MYLK: variants seen among roughly 807,000 people sequenced by gnomAD.
The protein encoded by MYLK is myosin light chain kinase, smooth muscle.
Under a neutral mutation model 203.4 loss-of-function variants are expected in MYLK, and 106 were observed. That is an observed-to-expected ratio of 0.52 (90% confidence interval 0.45 to 0.61). The LOEUF (loss-of-function observed/expected upper bound fraction) is 0.61. MYLK is among the 20% of genes least tolerant of loss of function. MYLK has a pLI of 0.00. For missense variants in MYLK, 2,072 were observed against 2,442.3 expected (o/e 0.85, Z 3.20); for synonymous variants, 867 against 959.5 (o/e 0.90, Z 1.78).
At chr3:123,737,845 C>T (rs998771035) in intron 7 of MYLK, among the ~76,000 whole-genome samples, 1 of 152,172 alleles carries the variant, frequency 6.6e-6, no homozygotes, top group Non-Finnish European at 1.5e-5. Flanking sequence ...TTCCTTACCT[C>T]CCCATTCCTT....
At chr3:123,664,411 GCC>G (rs2059668007) in intron 22 of MYLK, among the ~76,000 whole-genome samples, 153 bp from the exon 23 acceptor site, 1 of 151,944 alleles carries the variant, frequency 6.6e-6, no homozygotes, top group Non-Finnish European at 1.5e-5. Context: ...TCTCCCTGAG[GCC>G]CCTTCTCTCC....
intron 2 of MYLK, among the ~76,000 whole-genome samples, chr3:123,855,455 G>A (rs1443981097): frequency 1.3e-5 from 2 of 151,504 alleles, no homozygotes; most frequent in Non-Finnish European, 2.9e-5. Context: ...TGATCTCATT[G>A]TTTATTATTT....
At chr3:123,645,103 G>GTA (rs1390238094) in intron 27 of MYLK, among the ~76,000 whole-genome samples, 8 of 151,830 alleles carry the variant, frequency 5.3e-5, no homozygotes, top group African/African-American at 1.9e-4. Context: ...AAAAGTCAAT[G>GTA]TATCATACTA....
chr3:123,663,268 T>C (rs1167761609), intron 23 of MYLK, among the ~76,000 whole-genome samples: 2 of 152,046 alleles, frequency 1.3e-5, no homozygotes, highest in Non-Finnish European at 2.9e-5. Flanking sequence ...AACTTGAGAA[T>C]CAGTCTGGAG....
At chr3:123,770,077 G>A (rs944036788) in intron 4 of MYLK, among the ~76,000 whole-genome samples, 3 of 151,014 alleles carry the variant, frequency 2.0e-5, no homozygotes, top group Admixed American at 2.0e-4. Context: ...TTTGGAGGCC[G>A]AAGCAGGTGG....
chr3:123,799,908 T>C, intron 3 of MYLK: 1 of 152,356 alleles, frequency 6.6e-6, no homozygotes, highest in East Asian at 1.9e-4. Context: ...ACCACCGTAC[T>C]GCAGAGGTTC....
chr3:123,722,091 G>C, intron 13 of MYLK, 37 bp downstream of exon 13: 1 of 1,554,460 alleles, frequency 6.4e-7, no homozygotes, highest in Non-Finnish European at 8.7e-7. Flanking sequence ...GTGCCTGCAG[G>C]AAAGGTGCTT....
intron 2 of MYLK, among the ~76,000 whole-genome samples, chr3:123,872,086 G>A (rs1040866091): frequency 2.0e-5 from 3 of 151,998 alleles, no homozygotes; most frequent in African/African-American, 4.8e-5. Flanking sequence ...CCAACCTGCA[G>A]CCTGTTTTTG....
At chr3:123,754,753 C>G (rs2063311047) in intron 4 of MYLK, among the ~76,000 whole-genome samples, 1 of 151,892 alleles carries the variant, frequency 6.6e-6, no homozygotes, top group African/African-American at 2.4e-5. Flanking sequence ...CTGGCCTTTG[C>G]AAAACAGAAA....
chr3:123,846,589 G>A (rs1461778691), intron 2 of MYLK, among the ~76,000 whole-genome samples: 1 of 152,090 alleles, frequency 6.6e-6, no homozygotes, highest in Non-Finnish European at 1.5e-5. Flanking sequence ...AAATTCCTGG[G>A]TGTAAAGGGT....
At chr3:123,776,121 G>A (rs576060889) in intron 4 of MYLK, among the ~76,000 whole-genome samples, 115 of 152,280 alleles carry the variant, frequency 7.6e-4, no homozygotes, top group African/African-American at 2.4e-3. Context: ...GCTGGTCCCC[G>A]TGTGGCAGCA....
At chr3:123,690,283 T>C (rs976064743) in intron 19 of MYLK, among the ~76,000 whole-genome samples, 5 of 152,274 alleles carry the variant, frequency 3.3e-5, no homozygotes, top group East Asian at 1.9e-4. Context: ...TCATTGTTGC[T>C]GCTTACGGCA....
chr3:123,719,329 C>A (rs1268887951), intron 13 of MYLK, among the ~76,000 whole-genome samples: 1 of 152,028 alleles, frequency 6.6e-6, no homozygotes, highest in Non-Finnish European at 1.5e-5. Context: ...GAAGCAGGCA[C>A]GAGTGTTCAT....
chr3:123,669,871 C>T (rs1055809883), intron 20 of MYLK, among the ~76,000 whole-genome samples: 3 of 151,520 alleles, frequency 2.0e-5, no homozygotes, highest in Non-Finnish European at 2.9e-5. Flanking sequence ...CCCATCTCTA[C>T]GAAAAATAGA....
chr3:123,815,459 G>A (rs1409078911), intron 3 of MYLK, among the ~76,000 whole-genome samples: 3 of 152,192 alleles, frequency 2.0e-5, no homozygotes, highest in African/African-American at 4.8e-5. Context: ...AGTTCAAAAC[G>A]ATTGCTATCA....
At position 123,783,645 on chromosome 3, in the gene MYLK, T is replaced by A. The variant is rs2064386593; in HGVS notation, c.165+10032A>T. On this transcript the variant is annotated intron_variant, in intron 4 of 33. Coordinates refer to ENST00000360304, the MANE Select transcript of MYLK (RefSeq NM_053025.4). ...ATTCCTGTCTACTGTTTACAAAAAA[T>A]TCAAGCAATAAGAATGTGTACAAAG... Among the ~76,000 whole-genome samples the A allele has an allele frequency of 2.0e-5, 3 of 151,832 alleles. No homozygotes were observed. In the Admixed American group the frequency reaches 2.0e-4, roughly 10 times the overall value.
chr3:123,699,553 G>A (rs1000524196), intron 18 of MYLK, among the ~76,000 whole-genome samples: 9 of 152,298 alleles, frequency 5.9e-5, no homozygotes, highest in Non-Finnish European at 1.3e-4. Context: ...ACTGCACACC[G>A]TTCCCCAAAC....
chr3:123,810,881 G>A (rs1337669559), intron 3 of MYLK, among the ~76,000 whole-genome samples: 1 of 152,040 alleles, frequency 6.6e-6, no homozygotes. Context: ...CTGCAATGAT[G>A]GGTGATAACA....
intron 24 of MYLK, among the ~76,000 whole-genome samples, chr3:123,650,496 T>G (rs2059175060): frequency 6.6e-6 from 1 of 152,130 alleles, no homozygotes; most frequent in Non-Finnish European, 1.5e-5. Flanking sequence ...AGTGTGAGTG[T>G]GTTTAGAGTT....
Sources: gnomAD v4.1 joint callset for allele counts (sites outside exome capture counted in the v4.1 genomes callset) on GRCh38, gnomAD v4.1.1 for gene constraint, MANE v1.5 for transcripts, NCBI Gene and HGNC (gene_info 2026-07-23, HGNC 2026-07-21) for gene names.